The following KCNQ1OT1 variants were observed in gnomAD, a reference collection of about 807,000 sequenced individuals.
KCNQ1OT1 encodes KCNQ1 antisense RNA 2 (non-protein coding).
Position 2,654,832 on chromosome 11 carries a change from T to C in KCNQ1OT1, n.45163A>G, listed in dbSNP as rs1160955358. ...AGACTTTCATGATAGGAGAGCTCTA[T>C]GTAGCCTCATGGGCAGCTCCAGGCC... On this transcript the variant is annotated non_coding_transcript_exon_variant, in exon 1 of 1. Transcript: ENST00000597346. This position sits in a 1 kb window ranked among gnomAD's most constrained non-coding sequence, Gnocchi z 6.4. 2 of 398,478 alleles carry C rather than the reference T, an allele frequency of 5.0e-6. No homozygotes were observed. Among genetic ancestry groups the C allele is most frequent in the Admixed American group, 4.4e-5 (1 of 22,708 alleles). 24.7% of individuals were successfully genotyped at this position (398,478 alleles called of 1,614,324 possible). A position where few individuals can be genotyped will look rare whatever the true frequency, so the allele number is the denominator to read the frequency against.
exon 1 of KCNQ1OT1, chr11:2,672,251 C>G (rs771296151): frequency 2.5e-6 from 1 of 398,460 alleles, no homozygotes; most frequent in Non-Finnish European, 4.4e-6. Flanking sequence ...CTTTTTTCTG[C>G]TTTTCTTTTT....
Position 2,645,624 on chromosome 11 carries a change from A to G in KCNQ1OT1, n.54371T>C, listed in dbSNP as rs1849654347. On this transcript the variant is annotated non_coding_transcript_exon_variant, in exon 1 of 1. Transcript: ENST00000597346. The surrounding 1 kb of genome is among the most constrained non-coding windows in gnomAD (Gnocchi z 5.8). ...CCAGGTGGTGACTATGGGCAGGGTC[A>G]CCTTTCCTCATGGCAGCCTTGCTTC... The G allele has an allele frequency of 7.5e-6, 3 of 398,580 alleles. No individual in the cohort carries two copies. In the East Asian group the frequency reaches 1.1e-4, roughly 14 times the overall value. 24.7% of individuals were successfully genotyped at this position (398,580 alleles called of 1,614,324 possible).
In KCNQ1OT1 at chr11:2,680,116, T is replaced by A. The variant is rs376766966; in HGVS notation, n.19879A>T. The A allele has an allele frequency of 1.5e-4, 59 of 393,484 alleles. No individual in the cohort carries two copies. The highest frequency in any genetic ancestry group is 1.2e-3 in the African/African-American group (55 of 47,318). 24.4% of individuals were successfully genotyped at this position (393,484 alleles called of 1,614,324 possible). A position where few individuals can be genotyped will look rare whatever the true frequency, so the allele number is the denominator to read the frequency against. On this transcript the variant is annotated non_coding_transcript_exon_variant, in exon 1 of 1. Coordinates refer to ENST00000597346, the Ensembl canonical transcript of KCNQ1OT1. ...CATGTTGGCCAGGCTGGTCTCAAAC[T>A]CCTGACCTCAAGTGATCTGCCCGCC...
At chr11:2,681,130 T>C in exon 1 of KCNQ1OT1, 1 of 398,648 alleles carries the variant, frequency 2.5e-6, no homozygotes, top group Non-Finnish European at 4.4e-6. Context: ...AAAGCACCTA[T>C]GAAAAAATTC....
Position 2,664,863 on chromosome 11 carries a change from A to G in KCNQ1OT1, n.35132T>C. On this transcript the variant is annotated non_coding_transcript_exon_variant, in exon 1 of 1. Coordinates refer to ENST00000597346, the Ensembl canonical transcript of KCNQ1OT1. This position sits in a 1 kb window ranked among gnomAD's most constrained non-coding sequence, Gnocchi z 5.1. Reference sequence around the variant, plus strand: ...ATTACCATGCTGGGCCAGTTCCAGAATTCAAATTAAAAACATAAATAAAGA... The same window carrying G: ...ATTACCATGCTGGGCCAGTTCCAGAGTTCAAATTAAAAACATAAATAAAGA... 1 of 398,672 alleles carries G rather than the reference A, an allele frequency of 2.5e-6. No individual in the cohort carries two copies. Among genetic ancestry groups the G allele is most frequent in the Non-Finnish European group, 4.4e-6 (1 of 226,084 alleles). The allele number at this position is 398,672 out of a possible 1,614,324, so 24.7% of individuals were successfully genotyped here.
chr11:2,673,796 G>A lies in KCNQ1OT1; in HGVS notation n.26199C>T, dbSNP rs1209410446. ...TTGGGAAGCTCTGGTGCAAAGGGCA[G>A]TGATGGCCCTTCAATCCCAGGCCCA... On this transcript the variant is annotated non_coding_transcript_exon_variant, in exon 1 of 1. Coordinates refer to ENST00000597346, the Ensembl canonical transcript of KCNQ1OT1. The surrounding 1 kb of genome is among the most constrained non-coding windows in gnomAD (Gnocchi z 4.5). The A allele has an allele frequency of 7.5e-6, 3 of 398,626 alleles. No homozygotes were observed. Among genetic ancestry groups the A allele is most frequent in the Non-Finnish European group, 1.3e-5 (3 of 226,160 alleles). The allele number at this position is 398,626 out of a possible 1,614,324, so 24.7% of individuals were successfully genotyped here.
exon 1 of KCNQ1OT1, chr11:2,648,975 CTTTTTCTTTTTTTT>C (rs1281829033): frequency 5.9e-6 from 2 of 337,252 alleles, no homozygotes; most frequent in African/African-American, 6.3e-5. Context: ...TCTCTTTTTT[CTTTTTCTTTTTTTT>C]TTTTTTTTTT....
At chr11:2,666,373 G>A in exon 1 of KCNQ1OT1, 1 of 398,664 alleles carries the variant, frequency 2.5e-6, no homozygotes, top group Non-Finnish European at 4.4e-6. Context: ...GGCCTCTTGT[G>A]ACATGACAGC....
rs1483246201 is a variant in KCNQ1OT1, at chr11:2,695,604, C to T, written n.4391G>A. ...CTCTCGTTGTTCTGGGTGAGAACTG[C>T]TCCAGCATGTTTACTTAGGAGGGAA... On this transcript the variant is annotated non_coding_transcript_exon_variant, in exon 1 of 1. Transcript: ENST00000597346. The surrounding 1 kb of genome is among the most constrained non-coding windows in gnomAD (Gnocchi z 5.2). 1.5e-5 allele frequency: 6 copies of T among 398,490 alleles called. No individual in the cohort carries two copies. The highest frequency in any genetic ancestry group is 2.7e-5 in the Non-Finnish European group (6 of 226,070). 24.7% of individuals were successfully genotyped at this position (398,490 alleles called of 1,614,324 possible).
At position 2,645,971 on chromosome 11, in the gene KCNQ1OT1, CTA is replaced by C. The variant is rs1199283062; in HGVS notation, n.54022_54023del. On this transcript the variant is annotated non_coding_transcript_exon_variant, in exon 1 of 1. Transcript: ENST00000597346. The surrounding 1 kb of genome is among the most constrained non-coding windows in gnomAD (Gnocchi z 5.8). The stretch of plus-strand genomic sequence containing the variant: ...ATCTATGGGTCAGGGGGTTCTCTGA[CTA>C]GGATTTCAGGAGTCTGCTGTGGGAA... 1 of 398,506 alleles carries C rather than the reference CTA, an allele frequency of 2.5e-6. No homozygotes were observed. The highest frequency in any genetic ancestry group is 4.4e-6 in the Non-Finnish European group (1 of 226,102). 24.7% of individuals were successfully genotyped at this position (398,506 alleles called of 1,614,324 possible).
exon 1 of KCNQ1OT1, chr11:2,630,740 C>T: frequency 2.5e-6 from 1 of 398,356 alleles, no homozygotes; most frequent in South Asian, 1.3e-4. Context: ...TGAATAACTC[C>T]CTCTGGCATA....
At chr11:2,639,456 T>C (rs977195778) in exon 1 of KCNQ1OT1, 8 of 152,322 alleles carry the variant, frequency 5.3e-5, no homozygotes, top group Non-Finnish European at 1.2e-4. Flanking sequence ...TGCAGGTCTG[T>C]TGGAGTTTGC....
chr11:2,615,669 TGTG>T (rs1849048874), exon 1 of KCNQ1OT1: 1 of 397,986 alleles, frequency 2.5e-6, no homozygotes. Flanking sequence ...ATTGTATTAA[TGTG>T]GTGTATTACA....
chr11:2,661,878 C>T lies in KCNQ1OT1; in HGVS notation n.38117G>A. On this transcript the variant is annotated non_coding_transcript_exon_variant, in exon 1 of 1. Transcript: ENST00000597346. This position sits in a 1 kb window ranked among gnomAD's most constrained non-coding sequence, Gnocchi z 5.9. Reference sequence around the variant, plus strand: ...GCACAAGCTCCACTCCTCACCTGGCCCTGGGAGCTCACAGGCCTGGCTCCA... The same window carrying T: ...GCACAAGCTCCACTCCTCACCTGGCTCTGGGAGCTCACAGGCCTGGCTCCA... 1.3e-6 allele frequency: 2 copies of T among 1,572,484 alleles called. No homozygotes were observed. Among genetic ancestry groups the T allele is most frequent in the Non-Finnish European group, 1.7e-6 (2 of 1,143,664 alleles).
chr11:2,695,063 T>C lies in KCNQ1OT1; in HGVS notation n.4932A>G, dbSNP rs1238404221. ...AGATCTTGTAAAAACCTGATGGAAT[T>C]TGAATTTTATTTCCTAGAAATAGAA... On this transcript the variant is annotated non_coding_transcript_exon_variant, in exon 1 of 1. Transcript: ENST00000597346. This position sits in a 1 kb window ranked among gnomAD's most constrained non-coding sequence, Gnocchi z 5.2. 5.0e-6 allele frequency: 2 copies of C among 398,412 alleles called. No individual in the cohort carries two copies. Among genetic ancestry groups the C allele is most frequent in the African/African-American group, 2.1e-5 (1 of 48,598 alleles). The allele number at this position is 398,412 out of a possible 1,614,324, so 24.7% of individuals were successfully genotyped here. A position where few individuals can be genotyped will look rare whatever the true frequency, so the allele number is the denominator to read the frequency against.
rs768792902 is a variant in KCNQ1OT1, at chr11:2,656,769, TA to T, written n.43225del. ...TCTCTCTCATGGTTATTGCTTCTTT[TA>T]AAAAAAACCATCCTAATGCTGATGT... On this transcript the variant is annotated non_coding_transcript_exon_variant, in exon 1 of 1. Transcript: ENST00000597346. The T allele has an allele frequency of 1.5e-5, 6 of 398,328 alleles. 1 individual carries two copies. Among genetic ancestry groups the T allele is most frequent in the Middle Eastern group, 1.2e-3 (2 of 1,608 alleles). The allele number at this position is 398,328 out of a possible 1,614,324, so 24.7% of individuals were successfully genotyped here. A position where few individuals can be genotyped will look rare whatever the true frequency, so the allele number is the denominator to read the frequency against.
In KCNQ1OT1 at chr11:2,679,669, G is replaced by GC. The variant is rs1438633541; in HGVS notation, n.20325dup. The GC allele has an allele frequency of 2.5e-6, 1 of 398,550 alleles. No homozygotes were observed. Among genetic ancestry groups the GC allele is most frequent in the Non-Finnish European group, 4.4e-6 (1 of 226,052 alleles). The allele number at this position is 398,550 out of a possible 1,614,324, so 24.7% of individuals were successfully genotyped here. On this transcript the variant is annotated non_coding_transcript_exon_variant, in exon 1 of 1. Coordinates refer to ENST00000597346, the Ensembl canonical transcript of KCNQ1OT1. This position sits in a 1 kb window ranked among gnomAD's most constrained non-coding sequence, Gnocchi z 4.8. ...GCATCCTCATAAGATTATTTAGGAT[G>GC]CATAGGATCCCAGATTAGATTTTTT...
At chr11:2,688,296 ACT>A (rs2133888889) in exon 1 of KCNQ1OT1, 1 of 398,544 alleles carries the variant, frequency 2.5e-6, no homozygotes, top group South Asian at 1.3e-4. Flanking sequence ...GAAAATGAAG[ACT>A]CTGGAAAATC....
Position 2,677,298 on chromosome 11 carries a change from T to C in KCNQ1OT1, n.22697A>G. 1 of 398,614 alleles carries C rather than the reference T, an allele frequency of 2.5e-6. No homozygotes were observed. Among genetic ancestry groups the C allele is most frequent in the Admixed American group, 4.4e-5 (1 of 22,740 alleles). 24.7% of individuals were successfully genotyped at this position (398,614 alleles called of 1,614,324 possible). On this transcript the variant is annotated non_coding_transcript_exon_variant, in exon 1 of 1. Transcript: ENST00000597346. The surrounding 1 kb of genome is among the most constrained non-coding windows in gnomAD (Gnocchi z 4.5). ...GTAAATCTTGTCAAAATAGGAGATT[T>C]CATCAAGTTAAAGAAAATGATGTCA... is the stretch of plus-strand genomic sequence containing the variant.
Sources: allele counts gnomAD v4.1 joint callset, GRCh38; gene constraint gnomAD v4.1.1; non-coding constraint Gnocchi (gnomAD v3.1); transcripts MANE v1.5; gene names NCBI Gene and HGNC (gene_info 2026-07-23, HGNC 2026-07-21).